Variants in ZBTB7C observed in about 807,000 individuals in gnomAD.
ZBTB7C encodes zinc finger and BTB domain containing 7C, also known as zinc finger and BTB domain-containing protein 7C.
ZBTB7C carries 8 observed loss-of-function variants against 25.7 expected under a neutral mutation model. The observed-to-expected ratio is 0.31, with a 90% CI of 0.18 to 0.56. ZBTB7C has a LOEUF of 0.56. Among genes scored for constraint, ZBTB7C ranks in the 20% least tolerant of loss-of-function variants. ZBTB7C has a pLI of 0.91. For synonymous variants in ZBTB7C, 394 were observed against 369.0 expected, an observed-to-expected ratio of 1.07 and a Z score of -0.78; for missense variants, 824 against 855.2, an observed-to-expected ratio of 0.96 and a Z score of 0.46.
chr18:48,294,036 C>A (rs1404763960), intron 2 of ZBTB7C, among the ~76,000 whole-genome samples: 1 of 152,200 alleles, frequency 6.6e-6, no homozygotes, highest in African/African-American at 2.4e-5. Flanking sequence ...CCTGCTATGG[C>A]CACCGTGGGA....
chr18:48,354,484 G>A (rs1246400980), intron 1 of ZBTB7C, among the ~76,000 whole-genome samples: 1 of 152,126 alleles, frequency 6.6e-6, no homozygotes, highest in Non-Finnish European at 1.5e-5. Context: ...GGAAAATAGG[G>A]AGGTAATTAA....
chr18:48,094,107 C>A (rs1344534441), intron 3 of ZBTB7C, among the ~76,000 whole-genome samples: 1 of 152,166 alleles, frequency 6.6e-6, no homozygotes, highest in African/African-American at 2.4e-5. Flanking sequence ...AACCAAAACC[C>A]AAAGGGTGGC....
chr18:48,041,176 G>A (rs969542953), intron 3 of ZBTB7C, 53 bp from the exon 4 acceptor site: 1 of 1,521,158 alleles, frequency 6.6e-7, no homozygotes, highest in East Asian at 2.3e-5. Flanking sequence ...GCCCCAGGAG[G>A]GGTCTCAACT....
intron 2 of ZBTB7C, among the ~76,000 whole-genome samples, chr18:48,217,331 C>T (rs1459115914): frequency 1.3e-5 from 2 of 152,150 alleles, no homozygotes; most frequent in Non-Finnish European, 2.9e-5. Context: ...GAAGCCCTCA[C>T]GCAACCATCA....
At chr18:48,067,260 A>G (rs1475265938) in intron 3 of ZBTB7C, among the ~76,000 whole-genome samples, 1 of 152,232 alleles carries the variant, frequency 6.6e-6, no homozygotes, top group African/African-American at 2.4e-5. Flanking sequence ...ATCCCTTCAT[A>G]GTTTTATAAT....
intron 1 of ZBTB7C, among the ~76,000 whole-genome samples, chr18:48,395,273 G>A (rs1013125221): frequency 0.016 from 532 of 33,602 alleles, 4 homozygotes; most frequent in African/African-American, 0.1. Context: ...GAATGTGTGT[G>A]TGTGTGTGTG....
At chr18:48,294,813 G>C (rs1270406906) in intron 2 of ZBTB7C, among the ~76,000 whole-genome samples, 1 of 152,194 alleles carries the variant, frequency 6.6e-6, no homozygotes, top group African/African-American at 2.4e-5. Flanking sequence ...AGTCAGCTAA[G>C]TGAGTTATTA....
At chr18:48,090,419 C>A (rs962116686) in intron 3 of ZBTB7C, among the ~76,000 whole-genome samples, 2 of 152,182 alleles carry the variant, frequency 1.3e-5, no homozygotes, top group African/African-American at 4.8e-5. Context: ...CTTCCAGATG[C>A]GATCCTGCAC....
intron 1 of ZBTB7C, among the ~76,000 whole-genome samples, chr18:48,360,810 G>A (rs2047087026): frequency 6.6e-6 from 1 of 152,158 alleles, no homozygotes; most frequent in African/African-American, 2.4e-5. Flanking sequence ...ACCCCAGGTA[G>A]ATAAGATGCA....
At chr18:48,213,470 T>C (rs1333347772) in intron 2 of ZBTB7C, among the ~76,000 whole-genome samples, 2 of 152,216 alleles carry the variant, frequency 1.3e-5, no homozygotes, top group Admixed American at 6.5e-5. Context: ...CCGTCTTCAA[T>C]GGTTTCTCCT....
chr18:48,372,427 G>C (rs2047409080), intron 1 of ZBTB7C, among the ~76,000 whole-genome samples: 1 of 152,218 alleles, frequency 6.6e-6, no homozygotes, highest in Admixed American at 6.5e-5. Flanking sequence ...GCTATGAGTG[G>C]AACCGTGTCA....
chr18:48,206,184 A>C (rs768469684), intron 2 of ZBTB7C, among the ~76,000 whole-genome samples: 1 of 152,236 alleles, frequency 6.6e-6, no homozygotes, highest in Non-Finnish European at 1.5e-5. Flanking sequence ...ATGTGATATC[A>C]AAACTTCTAC....
chr18:48,352,420 G>A (rs755753640), intron 1 of ZBTB7C, among the ~76,000 whole-genome samples: 86 of 152,208 alleles, frequency 5.7e-4, no homozygotes, highest in Non-Finnish European at 1.2e-3. Context: ...GTCCTAAAAT[G>A]CCACCCAGGC....
intron 3 of ZBTB7C, chr18:48,165,335 C>T: frequency 4.7e-6 from 2 of 421,220 alleles, no homozygotes; most frequent in South Asian, 1.7e-5. Context: ...GCCCGTCCTT[C>T]AGAGACAATG....
At chr18:48,094,038 G>A (rs561767558) in intron 3 of ZBTB7C, among the ~76,000 whole-genome samples, 6 of 152,266 alleles carry the variant, frequency 3.9e-5, no homozygotes, top group Admixed American at 6.5e-5. Flanking sequence ...CAGCCTGGGC[G>A]ACAGAGCGAG....
At chr18:48,258,472 C>T (rs62088936) in intron 2 of ZBTB7C, among the ~76,000 whole-genome samples, 8,091 of 152,122 alleles carry the variant, frequency 0.053, 222 homozygotes, top group African/African-American at 0.068. Flanking sequence ...ACAGTAACAC[C>T]AAAATATATA....
At chr18:48,047,615 G>A (rs1464347466) in intron 3 of ZBTB7C, among the ~76,000 whole-genome samples, 1 of 152,174 alleles carries the variant, frequency 6.6e-6, no homozygotes, top group Non-Finnish European at 1.5e-5. Flanking sequence ...CTAGAACCCG[G>A]GTAAGTCCAA....
At chr18:48,063,903 A>G (rs4462673) in intron 3 of ZBTB7C, among the ~76,000 whole-genome samples, 1 of 151,712 alleles carries the variant, frequency 6.6e-6, no homozygotes, top group African/African-American at 2.4e-5. Flanking sequence ...ATTATATATA[A>G]TTTATAATTG....
chr18:48,034,235 A>G lies in ZBTB7C; in HGVS notation c.1209-4324T>C, dbSNP rs2144096590. On this transcript the variant is annotated intron_variant, in intron 4 of 4. Transcript: ENST00000590800. The stretch of plus-strand genomic sequence containing the variant: ...AGCATGGCTTTCTGGGCTCTTCACA[A>G]GCTCACTGCCATCTCCTCTGCCAGC... 3.3e-5 allele frequency among the ~76,000 whole-genome samples: 5 copies of G among 152,116 alleles called. 1 individual carries two copies. The Middle Eastern group carries it at 0.014, about 414-fold the overall frequency.
Sources: gnomAD v4.1 joint callset for allele counts (sites outside exome capture counted in the v4.1 genomes callset) on GRCh38, gnomAD v4.1.1 for gene constraint, MANE v1.5 for transcripts, NCBI Gene and HGNC (gene_info 2026-07-23, HGNC 2026-07-21) for gene names.